The following USP51 variants were observed in gnomAD, a reference collection of about 807,000 sequenced individuals.
USP51 encodes ubiquitin carboxyl-terminal hydrolase 51.
Under a neutral mutation model 17.6 loss-of-function variants are expected in USP51, and 5 were observed. That is an observed-to-expected ratio of 0.28 (90% CI 0.15 to 0.60). The LOEUF is 0.60. USP51 is among the 20% of genes least tolerant of loss of function. The pLI, the probability that USP51 is intolerant of heterozygous loss-of-function variation, is 0.88. For synonymous variants in USP51, 248 were observed against 216.1 expected (o/e 1.15, Z -1.29); for missense variants, 459 against 559.5 (o/e 0.82, Z 1.81).
chrX:55,486,916 T>C lies in USP51; in HGVS notation c.2024A>G (p.Asp675Gly). ...HYTSFIRQQKDQWFSCDDAII... is the reference protein window; with the variant it reads ...HYTSFIRQQKGQWFSCDDAII... ...GGCATCATCACAGCTGAACCACTGG[T>C]CCTTTTGTTGCCGGATGAAGCTGGT... Residue 675 changes from aspartate to glycine, a missense_variant, in exon 3 of 3, where the codon GAC becomes GGC. Coordinates refer to ENST00000500968, the MANE Select transcript of USP51 (RefSeq NM_201286.4). 8.3e-7 allele frequency: 1 copy of C among 1,211,761 alleles called. No homozygotes were observed. Among genetic ancestry groups the C allele is most frequent in the Non-Finnish European group, 1.1e-6 (1 of 895,519 alleles).
chrX:55,488,834 T>C lies in USP51; in HGVS notation c.106A>G (p.Lys36Glu). The change falls in exon 3 of 3, where the codon AAA becomes GAA. Residue 36 changes from lysine to glutamate, a missense_variant. Physicochemically the swap from Lys to Glu is moderately conservative, Grantham distance 56 (BLOSUM62 1). Transcript: ENST00000500968. ...SPEEAVEKAGKMEEAAAGATK... is the reference protein window; with the variant it reads ...SPEEAVEKAGEMEEAAAGATK... The stretch of plus-strand genomic sequence containing the variant: ...GCCCCCGCCGCCGCCTCCTCCATTT[T>C]CCCCGCCTTCTCAACCGCCTCCTCA... 8.3e-7 allele frequency: 1 copy of C among 1,210,890 alleles called. No homozygotes were observed. Among genetic ancestry groups the C allele is most frequent in the Non-Finnish European group, 1.1e-6 (1 of 895,318 alleles).
rs2031323041 is a variant in USP51, at chrX:55,486,696, G to C, written c.*108C>G. The C allele has an allele frequency of 9.7e-7, 1 of 1,028,677 alleles. No individual in the cohort carries two copies. Among genetic ancestry groups the C allele is most frequent in the African/African-American group, 1.9e-5 (1 of 52,462 alleles). 84.8% of individuals were successfully genotyped at this position (1,028,677 alleles called of 1,213,427 possible). Reference sequence around the variant, plus strand: ...ATAGGTTCTTTATATCAAGATACTAGCTGTCACATAGGTGTTACTGTCATT... The same window carrying C: ...ATAGGTTCTTTATATCAAGATACTACCTGTCACATAGGTGTTACTGTCATT... On this transcript the variant is annotated 3_prime_UTR_variant, in exon 3 of 3. Transcript: ENST00000500968.
Position 55,486,166 on chromosome X carries a change from G to T in USP51, c.*638C>A, listed in dbSNP as rs1001083686. 9.1e-6 allele frequency: 1 copy of T among 109,683 alleles called. No homozygotes were observed. Among genetic ancestry groups the T allele is most frequent in the African/African-American group, 3.3e-5 (1 of 30,358 alleles). 9.0% of individuals were successfully genotyped at this position (109,683 alleles called of 1,213,427 possible). ...TTTATTTTACATTTTTAAACTTTAA[G>T]AATTTAATTTTCTTTGCTTTTAATT... On this transcript the variant is annotated 3_prime_UTR_variant, in exon 3 of 3. Transcript: ENST00000500968.
In USP51 at chrX:55,484,846, A is replaced by G. The variant is rs1324981430; in HGVS notation, c.*1958T>C. ...TACCTGCCTAGAGCATTCAGGGAAG[A>G]CTCCAGAGAAGTCATCTGTGAGTTG... is the stretch of plus-strand genomic sequence containing the variant. On this transcript the variant is annotated 3_prime_UTR_variant, in exon 3 of 3. Coordinates refer to ENST00000500968, the MANE Select transcript of USP51 (RefSeq NM_201286.4). 1.8e-5 allele frequency: 2 copies of G among 111,438 alleles called. No individual in the cohort carries two copies. Among genetic ancestry groups the G allele is most frequent in the African/African-American group, 3.3e-5 (1 of 30,573 alleles). 9.2% of individuals were successfully genotyped at this position (111,438 alleles called of 1,213,427 possible). A position where few individuals can be genotyped will look rare whatever the true frequency, so the allele number is the denominator to read the frequency against.
rs2031362382 is a variant in USP51 at position 55,488,523 on chromosome X, TGGGGGCGGGGGTGGCGGC to T, written c.399_416del (p.Pro135_Pro140del). On this transcript the variant is annotated inframe_deletion, in exon 3 of 3. Transcript: ENST00000500968. ...GCCAGGCCCTGGGCCGCGGTGCGGGTGGGGGCGGGGGTGGCGGCGGGGGCGGGGGCCGGGCTGGAGGCG... is the reference window on the plus strand; with the variant it reads ...GCCAGGCCCTGGGCCGCGGTGCGGGTGGGGGCGGGGGCCGGGCTGGAGGCG... 6.6e-6 allele frequency: 6 copies of T among 913,713 alleles called. No individual in the cohort carries two copies. The highest frequency in any genetic ancestry group is 6.1e-5 in the East Asian group (1 of 16,339). 75.3% of individuals were successfully genotyped at this position (913,713 alleles called of 1,213,427 possible).
Position 55,488,662 on chromosome X carries a change from C to T in USP51, c.278G>A (p.Ser93Asn). 2 of 1,193,357 alleles carry T rather than the reference C, an allele frequency of 1.7e-6. No individual in the cohort carries two copies. Among genetic ancestry groups the T allele is most frequent in the Non-Finnish European group, 2.2e-6 (2 of 891,861 alleles). Residue 93 changes from serine (S) to asparagine (N), a missense_variant, in exon 3 of 3, where the codon AGC becomes AAC. Around this residue, in one of 2 missense-constraint regions of USP51, gnomAD observed 232 missense variants for 194.0 expected, o/e 1.20. Transcript: ENST00000500968. ...GCGCGGGCAAACGGGCGAGGAGCTG[C>T]TGTGACAGCGAAGGGGGATTGAAGG... is the stretch of plus-strand genomic sequence containing the variant. ...VLPSIPLRCH[S>N]SSSPVCPRRK...
At position 55,485,604 on chromosome X, in the gene USP51, C is replaced by T. The variant is rs1171356678; in HGVS notation, c.*1200G>A. ...TCATACCCGTCTGTATTTTAATATG[C>T]TTAAATAAAAAAATAGAACTTCTTA... is the stretch of plus-strand genomic sequence containing the variant. On this transcript the variant is annotated 3_prime_UTR_variant, in exon 3 of 3. Transcript: ENST00000500968. 2 of 109,585 alleles carry T rather than the reference C, an allele frequency of 1.8e-5. No individual in the cohort carries two copies. The highest frequency in any genetic ancestry group is 1.9e-4 in the Admixed American group (2 of 10,346). The allele number at this position is 109,585 out of a possible 1,213,427, so 9.0% of individuals were successfully genotyped here.
At position 55,488,024 on chromosome X, in the gene USP51, CTTT is replaced by C. The variant is rs2031347450; in HGVS notation, c.913_915del (p.Lys305del). 8.3e-7 allele frequency: 1 copy of C among 1,205,565 alleles called. No homozygotes were observed. Among genetic ancestry groups the C allele is most frequent in the Non-Finnish European group, 1.1e-6 (1 of 894,015 alleles). Reference sequence around the variant, plus strand: ...GAAGTTAATAATCTCAAAATTTTTTCTTTTGTTTCTTTGGCAATCTGTTCTATG... The same window carrying C: ...GAAGTTAATAATCTCAAAATTTTTTCTGTTTCTTTGGCAATCTGTTCTATG... On this transcript the variant is annotated inframe_deletion, in exon 3 of 3. Transcript: ENST00000500968.
chrX:55,488,526 GGGCGGGGGTGGC>G lies in USP51; in HGVS notation c.402_413del (p.Pro137_Pro140del), dbSNP rs774553957. ...AGGCCCTGGGCCGCGGTGCGGGTGG[GGGCGGGGGTGGC>G]GGCGGGGGCGGGGGCCGGGCTGGAG... On this transcript the variant is annotated inframe_deletion, in exon 3 of 3. Transcript: ENST00000500968. The G allele has an allele frequency of 3.8e-6, 4 of 1,048,859 alleles. No homozygotes were observed. The highest frequency in any genetic ancestry group is 4.0e-5 in the African/African-American group (2 of 49,999). 86.4% of individuals were successfully genotyped at this position (1,048,859 alleles called of 1,213,427 possible). A position where few individuals can be genotyped will look rare whatever the true frequency, so the allele number is the denominator to read the frequency against.
At position 55,486,818 on chromosome X, in the gene USP51, G is replaced by C. The variant is rs200045736; in HGVS notation, c.2122C>G (p.Leu708Val). ...GTCTGGTAAGACTAGTCTTTCTCTAGACCCTGTTTGTGATAGAACAGTAAA... is the reference window on the plus strand; with the variant it reads ...GTCTGGTAAGACTAGTCTTTCTCTACACCCTGTTTGTGATAGAACAGTAAA... Reference protein sequence around the residue: ...GYLLFYHKQGLEKD With the variant: ...GYLLFYHKQGVEKD The change falls in exon 3 of 3, where the codon CTA (leucine) becomes GTA (valine). Residue 708 changes from leucine to valine, a missense_variant. By Grantham distance (32) the Leu-to-Val change is conservative. Coordinates refer to ENST00000500968, the MANE Select transcript of USP51 (RefSeq NM_201286.4). The C allele has an allele frequency of 1.6e-5, 19 of 1,191,748 alleles. No homozygotes were observed. Among genetic ancestry groups the C allele is most frequent in the Non-Finnish European group, 3.4e-6 (3 of 885,944 alleles).
rs758490256 is a variant in USP51, at chrX:55,489,298, G to T, written c.-179C>A. The T allele has an allele frequency of 4.9e-5, 9 of 181,916 alleles. No homozygotes were observed. Among genetic ancestry groups the T allele is most frequent in the Non-Finnish European group, 9.2e-5 (9 of 97,989 alleles). 15.0% of individuals were successfully genotyped at this position (181,916 alleles called of 1,213,427 possible). On this transcript the variant is annotated 5_prime_UTR_variant, in exon 2 of 3. Transcript: ENST00000500968. ...TTCTTTAAAAAAGGCGCCACCCTCT[G>T]ACTGCTTTTTTGCGCCCTGCGCAGC...
In USP51 at chrX:55,485,990, C is replaced by T. The variant is rs183961461; in HGVS notation, c.*814G>A. The T allele has an allele frequency of 2.0e-3, 218 of 110,828 alleles. No homozygotes were observed. Among genetic ancestry groups the T allele is most frequent in the African/African-American group, 6.5e-3 (201 of 30,820 alleles). 9.1% of individuals were successfully genotyped at this position (110,828 alleles called of 1,213,427 possible). On this transcript the variant is annotated 3_prime_UTR_variant, in exon 3 of 3. Coordinates refer to ENST00000500968, the MANE Select transcript of USP51 (RefSeq NM_201286.4). ...TAATTTTGTTAACACTTTTTAAATA[C>T]GTATATTTTATGCTTTAATTTTGAA...
At chrX:55,489,088 G>A in intron 2 of USP51, 81 bp downstream of exon 2, 1 of 816,815 alleles carries the variant, frequency 1.2e-6, no homozygotes. Context: ...ATCGGCCCTT[G>A]AGCTCAGCCC....
chrX:55,489,482 G>T (rs765241855), intron 1 of USP51, among the ~76,000 whole-genome samples, 117 bp from the exon 2 acceptor site: 1 of 112,511 alleles, frequency 8.9e-6, no homozygotes, highest in African/African-American at 3.2e-5. Context: ...ATACTTCTGT[G>T]ACCCGGTGTG....
rs752021480 is a variant in USP51, at chrX:55,488,330, C to T, written c.610G>A (p.Gly204Ser). 6.6e-6 allele frequency: 8 copies of T among 1,210,443 alleles called. No individual in the cohort carries two copies. The highest frequency in any genetic ancestry group is 3.5e-5 in the South Asian group (2 of 56,803). Residue 204 changes from glycine (G) to serine (S), a missense_variant, in exon 3 of 3, where the codon GGT (glycine) becomes AGT (serine). Gly to Ser is a moderately conservative substitution (Grantham distance 56). Around this residue, in one of 2 missense-constraint regions of USP51, gnomAD observed 232 missense variants for 194.0 expected, o/e 1.20. Coordinates refer to ENST00000500968, the MANE Select transcript of USP51 (RefSeq NM_201286.4). ...GCSHVESFKV[G>S]KNWQKNLRLI... is the part of the protein sequence containing the mutation. ...CTCAGGTTCTTCTGCCAGTTCTTACCTACTTTAAAGCTCTCCACATGAGAG... is the reference window on the plus strand; with the variant it reads ...CTCAGGTTCTTCTGCCAGTTCTTACTTACTTTAAAGCTCTCCACATGAGAG...
At position 55,487,530 on chromosome X, in the gene USP51, A is replaced by T. The variant is rs932275786; in HGVS notation, c.1410T>A (p.Gly470=). The T allele has an allele frequency of 5.0e-6, 6 of 1,212,057 alleles. No individual in the cohort carries two copies. Among genetic ancestry groups the T allele is most frequent in the Non-Finnish European group, 6.7e-6 (6 of 895,603 alleles). The change falls in exon 3 of 3, where the codon GGT becomes GGA. Residue 470 remains glycine, a synonymous_variant. Transcript: ENST00000500968. ...AGTTGGGGTTATTGGCCTCCTGCCC[A>T]CCACTATCATCTTTGCTGTGTCTAT... The part of the protein sequence containing the change: ...VLHRHSKDDS[G]GQEANNPNCC...
chrX:55,488,152 A>G lies in USP51; in HGVS notation c.788T>C (p.Ile263Thr). Reference sequence around the variant, plus strand: ...CTGCTTTGTTTCTGCATGTTTGTGAATATGTTTCTCAGTGAAGCAGCCAAA... The same window carrying G: ...CTGCTTTGTTTCTGCATGTTTGTGAGTATGTTTCTCAGTGAAGCAGCCAAA... ...VFFGCFTEKH[I>T]HKHAETKQHH... is the part of the protein sequence containing the mutation. The change falls in exon 3 of 3, where the codon ATT becomes ACT. Residue 263 changes from isoleucine (I) to threonine (T), a missense_variant. This residue lies in a region of USP51 where 227 missense variants were observed against 365.5 expected (regional missense o/e 0.62). Transcript: ENST00000500968. The G allele has an allele frequency of 8.3e-7, 1 of 1,211,863 alleles. No homozygotes were observed. The highest frequency in any genetic ancestry group is 1.1e-6 in the Non-Finnish European group (1 of 895,563).
Position 55,486,120 on chromosome X carries a change from A to T in USP51, c.*684T>A, listed in dbSNP as rs1178605151. 3 of 110,463 alleles carry T rather than the reference A, an allele frequency of 2.7e-5. No homozygotes were observed. Among genetic ancestry groups the T allele is most frequent in the Non-Finnish European group, 3.8e-5 (2 of 52,730 alleles). 9.1% of individuals were successfully genotyped at this position (110,463 alleles called of 1,213,427 possible). A position where few individuals can be genotyped will look rare whatever the true frequency, so the allele number is the denominator to read the frequency against. ...TTCTTCCTTTTTTTGGTAAACTTTCATTTTTAACCTTGTTCCTTAATTTAT... is the reference window on the plus strand; with the variant it reads ...TTCTTCCTTTTTTTGGTAAACTTTCTTTTTTAACCTTGTTCCTTAATTTAT... On this transcript the variant is annotated 3_prime_UTR_variant, in exon 3 of 3. Transcript: ENST00000500968.
intron 2 of USP51, 35 bp downstream of exon 2, chrX:55,489,134 G>GC: frequency 3.8e-6 from 2 of 519,904 alleles, no homozygotes; most frequent in Admixed American, 4.0e-5. Context: ...CAACTGAGAG[G>GC]CCCCTGGAGC....
Sources: gnomAD v4.1 joint callset for allele counts (sites outside exome capture counted in the v4.1 genomes callset) on GRCh38, gnomAD v4.1.1 for gene constraint, gnomAD v4.1.1 regional missense constraint, MANE v1.5 for transcripts, NCBI Gene and HGNC (gene_info 2026-07-23, HGNC 2026-07-21) for gene names.